SEMA3A: variants seen among roughly 807,000 people sequenced by gnomAD.
SEMA3A encodes the protein semaphorin 3A.
A neutral mutation model predicts 97.9 loss-of-function variants in SEMA3A; 29 were observed. The ratio of observed to expected loss-of-function variants is 0.30; its 90% CI spans 0.22 to 0.40. The LOEUF (loss-of-function observed/expected upper bound fraction) is 0.40. SEMA3A is among the 10% of genes least tolerant of loss of function. The probability of loss-of-function intolerance (pLI) is 1.00; values close to 1 mark genes in which losing one functional copy is unlikely to be tolerated. For synonymous variants in SEMA3A, 321 were observed against 323.7 expected (o/e 0.99, Z 0.09); for missense variants, 763 against 951.3 (o/e 0.80, Z 2.60).
intron 2 of SEMA3A, among the ~76,000 whole-genome samples, chr7:84,330,323 T>C (rs1801881411): frequency 6.6e-6 from 1 of 152,038 alleles, no homozygotes; most frequent in African/African-American, 2.4e-5. Flanking sequence ...ATCTCAAAAA[T>C]AAAGTATGGG....
chr7:84,384,937 C>T (rs1258002156), intron 1 of SEMA3A, among the ~76,000 whole-genome samples: 1 of 152,044 alleles, frequency 6.6e-6, no homozygotes, highest in Non-Finnish European at 1.5e-5. Context: ...AAGGATTAAT[C>T]CAGTCCCATC....
intron 2 of SEMA3A, among the ~76,000 whole-genome samples, chr7:84,315,251 A>C (rs1210991065): frequency 6.6e-6 from 1 of 152,142 alleles, no homozygotes; most frequent in East Asian, 1.9e-4. Flanking sequence ...AGGACATGAA[A>C]TATTCTCCTC....
chr7:84,391,776 G>C (rs1405726923), intron 1 of SEMA3A, among the ~76,000 whole-genome samples: 3 of 152,012 alleles, frequency 2.0e-5, no homozygotes, highest in Non-Finnish European at 4.4e-5. Context: ...TTCAAGACCA[G>C]CTTGAGCAAC....
intron 1 of SEMA3A, among the ~76,000 whole-genome samples, chr7:84,477,092 A>ATTTTTT (rs61617588): frequency 3.5e-5 from 5 of 141,536 alleles, no homozygotes; most frequent in African/African-American, 1.3e-4. Context: ...ATATATATAT[A>ATTTTTT]TTTTTCAAAA....
At chr7:84,174,260 C>T (rs1937508478) in intron 1 of SEMA3A, among the ~76,000 whole-genome samples, 1 of 152,112 alleles carries the variant, frequency 6.6e-6, no homozygotes, top group Non-Finnish European at 1.5e-5. Context: ...GAAATGGGTC[C>T]CTGGTGCCAA....
At chr7:84,361,277 C>T (rs1404203118) in intron 2 of SEMA3A, among the ~76,000 whole-genome samples, 1 of 151,856 alleles carries the variant, frequency 6.6e-6, no homozygotes, top group Non-Finnish European at 1.5e-5. Context: ...CTAAGAAGTA[C>T]AGCTAATAAA....
At chr7:84,088,368 C>T (rs924316412) in intron 4 of SEMA3A, among the ~76,000 whole-genome samples, 1 of 151,822 alleles carries the variant, frequency 6.6e-6, no homozygotes, top group Non-Finnish European at 1.5e-5. Flanking sequence ...GCAGGAGAAT[C>T]GCTTGAACCC....
chr7:84,020,282 T>C (rs544390034), intron 6 of SEMA3A, among the ~76,000 whole-genome samples: 3 of 152,066 alleles, frequency 2.0e-5, no homozygotes, highest in East Asian at 1.9e-4. Context: ...TGACCTCAGG[T>C]GATCCACCTA....
chr7:83,997,447 A>G (rs1390525479), intron 12 of SEMA3A, among the ~76,000 whole-genome samples: 3 of 152,170 alleles, frequency 2.0e-5, no homozygotes, highest in African/African-American at 7.2e-5. Context: ...AAATATTCCA[A>G]TTGCTAGACC....
intron 1 of SEMA3A, among the ~76,000 whole-genome samples, chr7:84,141,611 C>T (rs1039815692): frequency 2.0e-5 from 3 of 152,072 alleles, no homozygotes; most frequent in East Asian, 1.9e-4. Context: ...TCATCACCCA[C>T]GTATTAAACC....
chr7:84,447,921 C>T (rs1805463547), intron 1 of SEMA3A, among the ~76,000 whole-genome samples: 2 of 152,216 alleles, frequency 1.3e-5, no homozygotes, highest in African/African-American at 2.4e-5. Flanking sequence ...AGCTCAGACA[C>T]AGTTGCCCAC....
chr7:84,420,925 C>A (rs1200992167), intron 1 of SEMA3A, among the ~76,000 whole-genome samples: 2 of 151,874 alleles, frequency 1.3e-5, no homozygotes, highest in Admixed American at 6.6e-5. Context: ...TTTTGTTAAT[C>A]TTTTCAAAAA....
At chr7:83,988,943 C>T (rs563689203) in intron 12 of SEMA3A, among the ~76,000 whole-genome samples, 8 of 149,696 alleles carry the variant, frequency 5.3e-5, no homozygotes, top group South Asian at 2.1e-4. Flanking sequence ...CTGCAGGATC[C>T]GCACCCCCCC....
intron 3 of SEMA3A, among the ~76,000 whole-genome samples, chr7:84,248,717 T>C (rs1799531315): frequency 1.3e-5 from 2 of 152,168 alleles, no homozygotes; most frequent in South Asian, 2.1e-4. Flanking sequence ...CTCCACTCTT[T>C]GATCTCTCTC....
intron 1 of SEMA3A, among the ~76,000 whole-genome samples, chr7:84,423,190 C>T (rs902996764): frequency 7.9e-5 from 12 of 151,804 alleles, no homozygotes; most frequent in African/African-American, 2.7e-4. Context: ...TAAAAGAAGA[C>T]ATGTTTGTAG....
intron 4 of SEMA3A, among the ~76,000 whole-genome samples, chr7:84,068,688 A>G (rs962516636): frequency 6.6e-6 from 1 of 152,088 alleles, no homozygotes; most frequent in African/African-American, 2.4e-5. Flanking sequence ...AAAGCATAAG[A>G]TACTTTATGT....
chr7:84,094,110 AG>A (rs1447426706), intron 4 of SEMA3A, among the ~76,000 whole-genome samples: 1 of 152,028 alleles, frequency 6.6e-6, no homozygotes, highest in Non-Finnish European at 1.5e-5. Flanking sequence ...AGGGTAAGTC[AG>A]GCCAGAGAGG....
At chr7:84,131,966 T>C (rs531862767) in intron 2 of SEMA3A, among the ~76,000 whole-genome samples, 6 of 151,940 alleles carry the variant, frequency 3.9e-5, no homozygotes, top group Non-Finnish European at 7.4e-5. Context: ...ATCTGTGTAT[T>C]TTATTTATTT....
At chr7:84,460,813 G>A (rs981583529) in intron 1 of SEMA3A, among the ~76,000 whole-genome samples, 3 of 152,128 alleles carry the variant, frequency 2.0e-5, no homozygotes, top group Admixed American at 2.0e-4. Context: ...AAAGCAAGTC[G>A]AAGGAGCCAG....
Sources: gnomAD v4.1 joint callset for allele counts (sites outside exome capture counted in the v4.1 genomes callset) on GRCh38, gnomAD v4.1.1 for gene constraint, MANE v1.5 for transcripts, NCBI Gene and HGNC (gene_info 2026-07-23, HGNC 2026-07-21) for gene names.